The following GTF2F2 variants were observed in gnomAD, a reference collection of about 807,000 sequenced individuals.
GTF2F2 encodes the protein general transcription factor IIF subunit 2, also known as ATP-dependent helicase GTF2F2.
Under a neutral mutation model 42.2 loss-of-function variants are expected in GTF2F2, and 23 were observed. The ratio of observed to expected loss-of-function variants is 0.55; its 90% confidence interval spans 0.39 to 0.77. The LOEUF is 0.77. Among genes scored for constraint, GTF2F2 ranks in the 30% least tolerant of loss-of-function variants. The probability of loss-of-function intolerance (pLI) is 0.00; values close to 1 mark genes in which losing one functional copy is unlikely to be tolerated. For synonymous variants in GTF2F2, 105 were observed against 100.8 expected (o/e 1.04, Z -0.25); for missense variants, 261 against 287.2 (o/e 0.91, Z 0.66).
intron 5 of GTF2F2, among the ~76,000 whole-genome samples, chr13:45,230,691 A>T (rs183530325): frequency 2.0e-5 from 3 of 152,378 alleles, no homozygotes; most frequent in Admixed American, 6.5e-5. Flanking sequence ...TATGTTATAC[A>T]TAACTAGCTA....
intron 4 of GTF2F2, among the ~76,000 whole-genome samples, chr13:45,163,753 T>A (rs1431861153): frequency 6.6e-6 from 1 of 152,210 alleles, no homozygotes; most frequent in Non-Finnish European, 1.5e-5. Context: ...AAATTTAAAG[T>A]GTAAAAAATG....
chr13:45,148,401 A>G (rs1170291332), intron 2 of GTF2F2, among the ~76,000 whole-genome samples: 1 of 151,732 alleles, frequency 6.6e-6, no homozygotes, highest in Non-Finnish European at 1.5e-5. Flanking sequence ...CCCCTTTCTT[A>G]TTTTGCCTTT....
chr13:45,197,161 A>G lies in GTF2F2; in HGVS notation c.305-10263A>G, dbSNP rs536408270. Among the ~76,000 whole-genome samples the G allele has an allele frequency of 6.6e-5, 10 of 151,868 alleles. 1 individual carries two copies. The South Asian group carries it at 2.1e-3, about 32-fold the overall frequency. On this transcript the variant is annotated intron_variant, in intron 4 of 7. Coordinates refer to ENST00000340473, the MANE Select transcript of GTF2F2 (RefSeq NM_004128.3). ...TAGTGCCTGGCTTATACAAATCCAT[A>G]GGACTTTTGTGTCCTCTTTGGCCCA...
chr13:45,255,739 T>C (rs1237899326), intron 6 of GTF2F2, among the ~76,000 whole-genome samples: 1 of 152,196 alleles, frequency 6.6e-6, no homozygotes, highest in African/African-American at 2.4e-5. Context: ...TTCTTCCTCA[T>C]TGGTGTGCTG....
chr13:45,158,523 C>A (rs1219810283), intron 4 of GTF2F2, among the ~76,000 whole-genome samples: 1 of 152,262 alleles, frequency 6.6e-6, no homozygotes, highest in East Asian at 1.9e-4. Context: ...CCAGCCCCAT[C>A]TGTGAAAATC....
intron 5 of GTF2F2, among the ~76,000 whole-genome samples, chr13:45,242,340 T>C (rs988752940): frequency 6.6e-6 from 1 of 150,694 alleles, no homozygotes; most frequent in Non-Finnish European, 1.5e-5. Flanking sequence ...GTAACTCTAC[T>C]GCTCTTCCTG....
At chr13:45,130,496 C>T (rs1345490294) in intron 1 of GTF2F2, among the ~76,000 whole-genome samples, 1 of 151,978 alleles carries the variant, frequency 6.6e-6, no homozygotes, top group African/African-American at 2.4e-5. Flanking sequence ...TGTACATGGG[C>T]AAAAGTGGAA....
chr13:45,191,395 T>G (rs1379099850), intron 4 of GTF2F2, among the ~76,000 whole-genome samples: 1 of 151,166 alleles, frequency 6.6e-6, no homozygotes, highest in Admixed American at 6.6e-5. Flanking sequence ...ATAGTCACTT[T>G]GTGATTTGTT....
intron 4 of GTF2F2, among the ~76,000 whole-genome samples, chr13:45,192,060 A>G (rs1872681037): frequency 6.6e-6 from 1 of 152,150 alleles, no homozygotes; most frequent in Non-Finnish European, 1.5e-5. Flanking sequence ...ATGCCAAGGA[A>G]AAGTCAACTC....
At chr13:45,139,563 G>A (rs1869816027) in intron 2 of GTF2F2, among the ~76,000 whole-genome samples, 1 of 151,998 alleles carries the variant, frequency 6.6e-6, no homozygotes, top group East Asian at 1.9e-4. Context: ...GCTCATTGAG[G>A]TATTTTCTGG....
intron 5 of GTF2F2, among the ~76,000 whole-genome samples, chr13:45,210,873 T>C (rs1438956179): frequency 6.6e-6 from 1 of 152,226 alleles, no homozygotes; most frequent in Non-Finnish European, 1.5e-5. Context: ...CTGGCCATAG[T>C]ATAAAGATTA....
chr13:45,232,390 G>T (rs1874728433), intron 5 of GTF2F2, among the ~76,000 whole-genome samples: 1 of 152,166 alleles, frequency 6.6e-6, no homozygotes, highest in Non-Finnish European at 1.5e-5. Context: ...ACTTTGGGAG[G>T]CTGAGGCAGG....
chr13:45,130,056 G>C (rs1253550130), intron 1 of GTF2F2, among the ~76,000 whole-genome samples: 1 of 152,218 alleles, frequency 6.6e-6, no homozygotes, highest in Admixed American at 6.5e-5. Flanking sequence ...GAGAGGGAGA[G>C]TAGGAGTTGA....
At position 45,283,715 on chromosome 13, in the gene GTF2F2, A is replaced by G. The variant is rs1005065533; in HGVS notation, c.*154A>G. The G allele has an allele frequency of 1.5e-5, 7 of 456,128 alleles. No homozygotes were observed. In the Admixed American group the frequency reaches 1.8e-4, roughly 12 times the overall value. The allele number at this position is 456,128 out of a possible 1,614,324, so 28.3% of individuals were successfully genotyped here. A position where few individuals can be genotyped will look rare whatever the true frequency, so the allele number is the denominator to read the frequency against. The stretch of plus-strand genomic sequence containing the variant: ...AATTTTTTAAACCTGTAATTCTTGT[A>G]AAGTTTCTTAACTGTTTTTTTGAGG... On this transcript the variant is annotated 3_prime_UTR_variant, in exon 8 of 8. Transcript: ENST00000340473.
At chr13:45,234,476 A>G (rs1312182236) in intron 5 of GTF2F2, among the ~76,000 whole-genome samples, 1 of 152,240 alleles carries the variant, frequency 6.6e-6, no homozygotes, top group Non-Finnish European at 1.5e-5. Flanking sequence ...TTTTAACAAA[A>G]TCTGTTTGAA....
chr13:45,121,037 T>G (rs1387491872), intron 1 of GTF2F2, among the ~76,000 whole-genome samples: 1 of 152,260 alleles, frequency 6.6e-6, no homozygotes, highest in East Asian at 1.9e-4. Context: ...GAAGAATTCC[T>G]TGTATCTTCC....
At chr13:45,273,655 A>AATTTTTTTTTTTTT (rs1555273613) in intron 7 of GTF2F2, among the ~76,000 whole-genome samples, 71 of 123,878 alleles carry the variant, frequency 5.7e-4, no homozygotes, top group African/African-American at 2.1e-3. Flanking sequence ...GAGTGGTAAA[A>AATTTTTTTTTTTTT]TTTTTTTTTT....
At chr13:45,208,089 A>T (rs1336804063) in intron 5 of GTF2F2, among the ~76,000 whole-genome samples, 1 of 151,424 alleles carries the variant, frequency 6.6e-6, no homozygotes, top group African/African-American at 2.4e-5. Flanking sequence ...ATGCCACTGC[A>T]CTCCAGCCTA....
chr13:45,162,533 T>C (rs1871088511), intron 4 of GTF2F2, among the ~76,000 whole-genome samples: 3 of 152,234 alleles, frequency 2.0e-5, no homozygotes, highest in Non-Finnish European at 4.4e-5. Context: ...TGTATTTTAC[T>C]GCCAACTGCC....
Sources: gnomAD v4.1 joint callset for allele counts (sites outside exome capture counted in the v4.1 genomes callset) on GRCh38, gnomAD v4.1.1 for gene constraint, MANE v1.5 for transcripts, NCBI Gene and HGNC (gene_info 2026-07-23, HGNC 2026-07-21) for gene names.